Variants in SLC2A7 observed in about 807,000 individuals in gnomAD.
The protein encoded by SLC2A7 is solute carrier family 2, facilitated glucose transporter member 7.
A neutral mutation model predicts 50.5 loss-of-function variants in SLC2A7; 50 were observed. The ratio of observed to expected loss-of-function variants is 0.99; its 90% confidence interval spans 0.79 to 1.25. The LOEUF is 1.25. Ranked by LOEUF, SLC2A7 falls within the 50% of genes most tolerant of loss-of-function variation. The pLI is 0.00. For missense variants in SLC2A7, 683 were observed against 679.1 expected, an observed-to-expected ratio of 1.01 and a Z score of -0.06; for synonymous variants, 308 against 300.4, an observed-to-expected ratio of 1.03 and a Z score of -0.26.
In SLC2A7 at chr1:9,016,904, G is replaced by A. The variant is rs1411361611; in HGVS notation, c.589+1319C>T. The stretch of plus-strand genomic sequence containing the variant: ...ACCCCAAAATGAAGGCCTCAGCAGC[G>A]CCCTCAGAAGCAAGTTTTTCTCTGA... On this transcript the variant is annotated intron_variant, in intron 5 of 11. Coordinates refer to ENST00000400906, the MANE Select transcript of SLC2A7 (RefSeq NM_207420.3). Among the ~76,000 whole-genome samples, 11 of 152,088 alleles carry A rather than the reference G, an allele frequency of 7.2e-5. No individual in the cohort carries two copies. In the East Asian group the frequency reaches 1.9e-3, roughly 27 times the overall value.
In SLC2A7 at chr1:9,014,770, G is replaced by A. The variant is rs1339726818; in HGVS notation, c.814C>T (p.Leu272=). 6.3e-7 allele frequency: 1 copy of A among 1,596,654 alleles called. No homozygotes were observed. The highest frequency in any genetic ancestry group is 1.3e-5 in the African/African-American group (1 of 74,794). The change falls in exon 7 of 12, where the codon CTG becomes TTG. Residue 272 remains leucine (L), a synonymous_variant. Transcript: ENST00000400906. ...AERAEGHLSV[L]HLCALRSLRW... Reference sequence around the variant, plus strand: ...AGGGACCGCAGGGCACAGAGGTGCAGCACAGACAGGTGGCCCTCGGCGCGC... The same window carrying A: ...AGGGACCGCAGGGCACAGAGGTGCAACACAGACAGGTGGCCCTCGGCGCGC...
At chr1:9,002,205 G>A (rs1458624940), downstream of SLC2A7, among the ~76,000 whole-genome samples, 2 of 152,124 alleles carry the variant, frequency 1.3e-5, no homozygotes, top group African/African-American at 4.8e-5. Flanking sequence ...CTCGTGGGAG[G>A]GGAAAGACCT....
At chr1:9,013,261 C>T (rs991380906) in intron 8 of SLC2A7, among the ~76,000 whole-genome samples, 1 of 152,204 alleles carries the variant, frequency 6.6e-6, no homozygotes, top group African/African-American at 2.4e-5. Flanking sequence ...ACTCCCTGAC[C>T]TCAAGTGATC....
intron 8 of SLC2A7, among the ~76,000 whole-genome samples, chr1:9,011,980 C>T (rs557777130): frequency 1.4e-4 from 22 of 152,046 alleles, no homozygotes; most frequent in South Asian, 2.1e-4. Context: ...GAACTCCTGA[C>T]GTCAGGTGAT....
In SLC2A7 at chr1:9,007,316, C is replaced by T. The variant is rs1212971441; in HGVS notation, c.1186G>A (p.Gly396Arg). The T allele has an allele frequency of 1.9e-6, 3 of 1,614,054 alleles. No homozygotes were observed. Among genetic ancestry groups the T allele is most frequent in the African/African-American group, 1.3e-5 (1 of 74,912 alleles). ...VFAYIAGHSI[G>R]PSPVPSVVRT... ...GAGGCGTGCAGGTACTCACTGGGCC[C>T]AATGGAATGTCCCGCGATGTAGGCA... The change falls in exon 10 of 12, where the codon GGG becomes AGG. Residue 396 changes from glycine to arginine, a missense_variant. Transcript: ENST00000400906.
At chr1:9,016,184 C>T (rs576600529) in intron 5 of SLC2A7, among the ~76,000 whole-genome samples, 163 of 152,344 alleles carry the variant, frequency 1.1e-3, no homozygotes, top group African/African-American at 3.8e-3. Flanking sequence ...TTACTGTTAA[C>T]GATCTTTCAT....
chr1:8,993,831 G>A, the SLC2A7 span, among the ~76,000 whole-genome samples: 6 of 152,156 alleles, frequency 3.9e-5, no homozygotes, highest in South Asian at 1.2e-3. Context: ...GTTTCACCAT[G>A]TTGGCCAGGA....
Position 9,014,998 on chromosome 1 carries a change from C to T in SLC2A7, c.715+119G>A, listed in dbSNP as rs79414710. On this transcript the variant is annotated intron_variant, in intron 6 of 11. Transcript: ENST00000400906. The stretch of plus-strand genomic sequence containing the variant: ...TGTGCCCCAGTTGCCACCCCCCCAC[C>T]CCGTTCAGCTCCCAGCTCTCACCCC... 2.9e-3 allele frequency: 4,392 copies of T among 1,521,956 alleles called. 106 individuals carry two copies. The African/African-American group carries it at 0.052, about 18-fold the overall frequency. The allele number at this position is 1,521,956 out of a possible 1,614,324, so 94.3% of individuals were successfully genotyped here. A position where few individuals can be genotyped will look rare whatever the true frequency, so the allele number is the denominator to read the frequency against.
At chr1:9,019,994 C>T (rs1214845774) in intron 3 of SLC2A7, among the ~76,000 whole-genome samples, 4 of 152,216 alleles carry the variant, frequency 2.6e-5, no homozygotes. Flanking sequence ...AAAGAAGGCC[C>T]TCACCAGGAA....
downstream of SLC2A7, among the ~76,000 whole-genome samples, chr1:8,998,195 G>C (rs1640532586): frequency 6.6e-6 from 1 of 152,118 alleles, no homozygotes; most frequent in South Asian, 2.1e-4. Flanking sequence ...CTTGAGGTCA[G>C]GAGTTCAAGA....
chr1:9,010,539 G>A (rs1004065827), intron 8 of SLC2A7, among the ~76,000 whole-genome samples: 2 of 152,054 alleles, frequency 1.3e-5, no homozygotes, highest in Non-Finnish European at 2.9e-5. Context: ...TGTATTTCTC[G>A]TAGAGACGAG....
At chr1:9,018,722 T>C (rs767635044) in intron 4 of SLC2A7, among the ~76,000 whole-genome samples, 6 of 152,366 alleles carry the variant, frequency 3.9e-5, no homozygotes, top group Middle Eastern at 6.8e-3. Flanking sequence ...AAAGCACAGA[T>C]TGCTTGTCTA....
At chr1:9,013,417 C>G in intron 8 of SLC2A7, 108 bp downstream of exon 8, 1 of 855,354 alleles carries the variant, frequency 1.2e-6, no homozygotes, top group South Asian at 1.8e-5. Context: ...CTTAAATGAC[C>G]CCAGGACCAG....
At chr1:9,021,159 G>A (rs558281444) in intron 3 of SLC2A7, among the ~76,000 whole-genome samples, 11 of 152,232 alleles carry the variant, frequency 7.2e-5, no homozygotes, top group Admixed American at 5.9e-4. Context: ...ACAGGCATGC[G>A]CCACCATGCC....
At chr1:8,996,253 T>A in the SLC2A7 span, among the ~76,000 whole-genome samples, 1 of 152,122 alleles carries the variant, frequency 6.6e-6, no homozygotes, top group South Asian at 2.1e-4. Flanking sequence ...TCTGGAAATT[T>A]ATACAACTGA....
At chr1:9,014,991 C>A (rs1640807204) in intron 6 of SLC2A7, 123 bp from the exon 7 acceptor site, 15 of 1,513,492 alleles carry the variant, frequency 9.9e-6, no homozygotes, top group East Asian at 7.2e-5. Context: ...AGTTGCCACC[C>A]CCCCACCCCG....
At position 9,016,677 on chromosome 1, in the gene SLC2A7, G is replaced by A. The variant is rs185775940; in HGVS notation, c.590-1435C>T. 3.4e-3 allele frequency among the ~76,000 whole-genome samples: 507 copies of A among 150,288 alleles called. 2 individuals are homozygous for A. The highest frequency in any genetic ancestry group is 0.012 in the African/African-American group (481 of 41,004). On this transcript the variant is annotated intron_variant, in intron 5 of 11. Transcript: ENST00000400906. Reference sequence around the variant, plus strand: ...GAAGGAAGGAAGGAAGGAAGGAAAGGAGAGAGGAAGGAAGGAAGGAAAACA... The same window carrying A: ...GAAGGAAGGAAGGAAGGAAGGAAAGAAGAGAGGAAGGAAGGAAGGAAAACA...
Position 9,022,998 on chromosome 1 carries a change from C to G in SLC2A7, c.231G>C (p.Trp77Cys). The G allele has an allele frequency of 6.2e-7, 1 of 1,614,174 alleles. No homozygotes were observed. The highest frequency in any genetic ancestry group is 8.5e-7 in the Non-Finnish European group (1 of 1,180,016). ...GAGGAAACATGGAGACGGTGCAAGA[C>G]CATAGAAGCAGCATGAGCTTCCCGT... The part of the protein sequence containing the change: ...FMDGKLMLLL[W>C]SCTVSMFPLG... Residue 77 changes from tryptophan (W) to cysteine (C), a missense_variant, in exon 3 of 12, where the codon TGG (tryptophan) becomes TGC (cysteine). Trp to Cys is a radical substitution (Grantham distance 215). Coordinates refer to ENST00000400906, the MANE Select transcript of SLC2A7 (RefSeq NM_207420.3).
chr1:9,022,657 G>A (rs923669974), intron 3 of SLC2A7, among the ~76,000 whole-genome samples: 3 of 137,188 alleles, frequency 2.2e-5, no homozygotes, highest in African/African-American at 8.3e-5. Flanking sequence ...GCACCGTCAA[G>A]AACCTTGATC....
Sources: gnomAD v4.1 joint callset for allele counts (sites outside exome capture counted in the v4.1 genomes callset) on GRCh38, gnomAD v4.1.1 for gene constraint, MANE v1.5 for transcripts, NCBI Gene and HGNC (gene_info 2026-07-23, HGNC 2026-07-21) for gene names.